Variants in FOXK2 observed in about 807,000 individuals in gnomAD.
The protein encoded by FOXK2 is forkhead box protein K2.
Under a neutral mutation model 53.3 loss-of-function variants are expected in FOXK2, and 24 were observed. The ratio of observed to expected loss-of-function variants is 0.45; its 90% confidence interval spans 0.33 to 0.63. The LOEUF (loss-of-function observed/expected upper bound fraction) is 0.63, where lower values mean the gene tolerates loss of function less well. Ranked by LOEUF, FOXK2 falls within the 30% of genes least tolerant of loss-of-function variation. The pLI is 0.03. For synonymous variants in FOXK2, 505 were observed against 407.1 expected (o/e 1.24, Z -2.89); for missense variants, 952 against 910.5 (o/e 1.05, Z -0.59).
In FOXK2 at chr17:82,596,019, A is replaced by G. The variant is rs968420609; in HGVS notation, c.1787-5284A>G. ...AAAGGCCACTGGAAACCAGAGTCAC[A>G]CTGCGCGTCTGTGCATCTCTGGCCT... On this transcript the variant is annotated intron_variant, in intron 8 of 8. Coordinates refer to ENST00000335255, the MANE Select transcript of FOXK2 (RefSeq NM_004514.4). 3.5e-6 allele frequency: 4 copies of G among 1,150,866 alleles called. No individual in the cohort carries two copies. In the African/African-American group the frequency reaches 4.9e-5, roughly 14 times the overall value. 71.3% of individuals were successfully genotyped at this position (1,150,866 alleles called of 1,614,324 possible).
chr17:82,584,108 C>G lies in FOXK2; in HGVS notation c.1199C>G (p.Ala400Gly). 1 of 1,610,826 alleles carries G rather than the reference C, an allele frequency of 6.2e-7. No homozygotes were observed. The highest frequency in any genetic ancestry group is 8.5e-7 in the Non-Finnish European group (1 of 1,179,724). ...AGCCTGTCGAGGGAAGGTTCGCCGG[C>G]CCCCCTGGAGCCTGAGCCTGGCGCT... ...PESLSREGSP[A>G]PLEPEPGAAQ... The change falls in exon 6 of 9, where the codon GCC (alanine) becomes GGC (glycine). Residue 400 changes from alanine to glycine, a missense_variant. By Grantham distance (60) the Ala-to-Gly change is moderately conservative (BLOSUM62 0). Coordinates refer to ENST00000335255, the MANE Select transcript of FOXK2 (RefSeq NM_004514.4).
At chr17:82,564,712 C>G (rs368767933) in intron 2 of FOXK2, among the ~76,000 whole-genome samples, 36 of 151,090 alleles carry the variant, frequency 2.4e-4, no homozygotes, top group African/African-American at 8.8e-4. Flanking sequence ...AGAAATAAAC[C>G]CTCACATAAT....
chr17:82,589,855 G>C (rs1342399974), intron 8 of FOXK2, among the ~76,000 whole-genome samples: 1 of 152,190 alleles, frequency 6.6e-6, no homozygotes, highest in Non-Finnish European at 1.5e-5. Flanking sequence ...AGACCAGCCT[G>C]GCCAACATGG....
At chr17:82,559,368 C>T (rs929212322) in intron 1 of FOXK2, 10 of 456,230 alleles carry the variant, frequency 2.2e-5, no homozygotes, top group Admixed American at 4.7e-5. Context: ...GAGCCAGCTT[C>T]GTGTGCAGAG....
intron 1 of FOXK2, among the ~76,000 whole-genome samples, chr17:82,561,124 C>T (rs930037774): frequency 1.3e-5 from 2 of 152,136 alleles, no homozygotes; most frequent in African/African-American, 4.8e-5. Context: ...GGGGTTTTGG[C>T]AGAGAAGCTT....
chr17:82,534,716 C>T (rs1469512653), intron 1 of FOXK2, among the ~76,000 whole-genome samples: 1 of 152,258 alleles, frequency 6.6e-6, no homozygotes, highest in African/African-American at 2.4e-5. Flanking sequence ...GCACTCACTC[C>T]TGTTCCTGTC....
intron 1 of FOXK2, among the ~76,000 whole-genome samples, chr17:82,532,578 A>T (rs1016261502): frequency 6.6e-6 from 1 of 152,182 alleles, no homozygotes; most frequent in South Asian, 2.1e-4. Flanking sequence ...GTGCAGACAT[A>T]AAAAAATATT....
intron 1 of FOXK2, among the ~76,000 whole-genome samples, chr17:82,556,014 G>T (rs1292200883): frequency 6.6e-6 from 1 of 150,856 alleles, no homozygotes; most frequent in Non-Finnish European, 1.5e-5. Context: ...ACATCCATCT[G>T]CATGGACGGC....
chr17:82,560,297 T>G (rs978747327), intron 1 of FOXK2, among the ~76,000 whole-genome samples: 5 of 152,032 alleles, frequency 3.3e-5, no homozygotes, highest in Non-Finnish European at 1.5e-5. Context: ...CATGAACCAC[T>G]GCGCCCGGCC....
Position 82,601,387 on chromosome 17 carries a change from C to T in FOXK2, c.1871C>T (p.Pro624Leu), listed in dbSNP as rs764593468. ...ACAAAGCGCCACAACGGTGACCAGC[C>T]GGAGCAGCCGGAGCTGAAGCGGATC... Reference protein sequence around the residue: ...LPTKRHNGDQPEQPELKRIKT... With the variant: ...LPTKRHNGDQLEQPELKRIKT... Residue 624 changes from proline (P) to leucine (L), a missense_variant, in exon 9 of 9, where the codon CCG (proline) becomes CTG (leucine). Pro to Leu is a moderately conservative substitution (Grantham distance 98, BLOSUM62 -3). Transcript: ENST00000335255. The T allele has an allele frequency of 7.4e-6, 12 of 1,613,148 alleles. No individual in the cohort carries two copies. Among genetic ancestry groups the T allele is most frequent in the East Asian group, 4.5e-5 (2 of 44,884 alleles).
intron 5 of FOXK2, among the ~76,000 whole-genome samples, chr17:82,583,462 G>T (rs1021364689): frequency 6.6e-6 from 1 of 152,206 alleles, no homozygotes; most frequent in African/African-American, 2.4e-5. Context: ...CAGGAGAATC[G>T]CTTGAACCCG....
At chr17:82,551,558 G>A (rs1281206264) in intron 1 of FOXK2, among the ~76,000 whole-genome samples, 2 of 152,104 alleles carry the variant, frequency 1.3e-5, no homozygotes, top group Admixed American at 6.6e-5. Context: ...ACATGTGCTT[G>A]TAGTCTTAGC....
intron 1 of FOXK2, among the ~76,000 whole-genome samples, chr17:82,558,931 A>G (rs2044761864): frequency 6.6e-6 from 1 of 151,894 alleles, no homozygotes; most frequent in Admixed American, 6.6e-5. Context: ...TGTTTTTTTC[A>G]GTAGAGACGG....
chr17:82,538,247 C>T (rs765271784), intron 1 of FOXK2, among the ~76,000 whole-genome samples: 21 of 151,736 alleles, frequency 1.4e-4, no homozygotes, highest in Non-Finnish European at 1.2e-4. Context: ...AGATATAGGC[C>T]GGGTGGGAGG....
chr17:82,600,556 C>T (rs1008799489), intron 8 of FOXK2: 12 of 152,270 alleles, frequency 7.9e-5, no homozygotes, highest in African/African-American at 2.7e-4. Context: ...AGTAACTATA[C>T]AGAAACATCC....
At chr17:82,559,123 A>C (rs948623076) in intron 1 of FOXK2, among the ~76,000 whole-genome samples, 2 of 151,856 alleles carry the variant, frequency 1.3e-5, no homozygotes, top group Non-Finnish European at 2.9e-5. Flanking sequence ...CGAACTTCTG[A>C]CCTCAGGGGA....
At chr17:82,569,070 A>AT (rs1387252100) in intron 3 of FOXK2, among the ~76,000 whole-genome samples, 3 of 152,218 alleles carry the variant, frequency 2.0e-5, no homozygotes, top group Non-Finnish European at 4.4e-5. Flanking sequence ...GGGAATGGTG[A>AT]TTAGGATATT....
chr17:82,602,727 G>A lies in FOXK2; in HGVS notation c.*1228G>A, dbSNP rs77988312. On this transcript the variant is annotated 3_prime_UTR_variant, in exon 9 of 9. Coordinates refer to ENST00000335255, the MANE Select transcript of FOXK2 (RefSeq NM_004514.4). ...AAAATGAGGACAGGACGGGGGTGAG[G>A]GAATGAGAGTGGGAGGTCCCTGCAC... 3,285 of 152,344 alleles carry A rather than the reference G, an allele frequency of 0.022. 128 individuals carry two copies. The highest frequency in any genetic ancestry group is 0.075 in the African/African-American group (3,131 of 41,580). 9.4% of individuals were successfully genotyped at this position (152,344 alleles called of 1,614,324 possible).
chr17:82,586,017 C>A lies in FOXK2; in HGVS notation c.1393C>A (p.Pro465Thr), dbSNP rs1471794219. ...CCCAGTGACCACCTCGACCTCCCAG[C>A]CACCCGTCGTGCAGACGGTTCACGT... ...ATPVTTSTSQ[P>T]PVVQTVHVVH... The change falls in exon 7 of 9, where the codon CCA (proline) becomes ACA (threonine). Residue 465 changes from proline (P) to threonine (T), a missense_variant. This residue lies in a region of FOXK2 where 551 missense variants were observed against 385.1 expected (regional missense o/e 1.43). Coordinates refer to ENST00000335255, the MANE Select transcript of FOXK2 (RefSeq NM_004514.4). The A allele has an allele frequency of 6.2e-7, 1 of 1,612,708 alleles. No individual in the cohort carries two copies. Among genetic ancestry groups the A allele is most frequent in the Non-Finnish European group, 8.5e-7 (1 of 1,180,000 alleles).
Sources: gnomAD v4.1 joint callset for allele counts (sites outside exome capture counted in the v4.1 genomes callset) on GRCh38, gnomAD v4.1.1 for gene constraint, gnomAD v4.1.1 regional missense constraint, MANE v1.5 for transcripts, NCBI Gene and HGNC (gene_info 2026-07-23, HGNC 2026-07-21) for gene names.